The following F13A1 variants were observed in gnomAD, a reference collection of about 807,000 sequenced individuals.
F13A1 encodes the protein FSF, A subunit.
In F13A1, 47 loss-of-function variants were observed where a neutral mutation model predicts 80.1. The observed-to-expected ratio is 0.59, with a 90% CI of 0.46 to 0.75. F13A1 has a LOEUF of 0.75. F13A1 is among the 30% of genes least tolerant of loss of function. The pLI is 0.00. For missense variants in F13A1, 817 were observed against 930.4 expected (o/e 0.88, Z 1.59); for synonymous variants, 349 against 344.9 (o/e 1.01, Z -0.13).
rs1008137500 is a variant in F13A1, at chr6:6,298,428, G to C, written c.319+6923C>G. ...CAGGACTTGCTTTATGAATCTTGGT[G>C]CTCCTGTATTGGGTGCATATAAATT... On this transcript the variant is annotated intron_variant, in intron 3 of 14. Transcript: ENST00000264870. Among the ~76,000 whole-genome samples the C allele has an allele frequency of 3.7e-4, 55 of 150,288 alleles. 1 individual carries two copies. The highest frequency in any genetic ancestry group is 1.3e-3 in the African/African-American group (52 of 39,700).
At position 6,224,843 on chromosome 6, in the gene F13A1, G is replaced by A. The variant is rs764510247; in HGVS notation, c.816C>T (p.Asp272=). 1.2e-5 allele frequency: 19 copies of A among 1,614,008 alleles called. No homozygotes were observed. The highest frequency in any genetic ancestry group is 3.3e-5 in the South Asian group (3 of 91,086). ...CCCAGGATCCAACGAGGACACCTTC[G>A]TCATCTTTGGCATTCACCTAAATGA... is the stretch of plus-strand genomic sequence containing the variant. The part of the protein sequence containing the change: ...VGSAMVNAKD[D]EGVLVGSWDN... Residue 272 remains aspartate (D), a synonymous_variant, in exon 7 of 15, where the codon GAC becomes GAT. Coordinates refer to ENST00000264870, the MANE Select transcript of F13A1 (RefSeq NM_000129.4).
intron 2 of F13A1, among the ~76,000 whole-genome samples, chr6:6,310,108 T>A (rs370769389): frequency 9.9e-5 from 15 of 152,222 alleles, no homozygotes; most frequent in East Asian, 7.7e-4. Flanking sequence ...CTGGTTAGAG[T>A]CAGTCCATCA....
chr6:6,164,258 C>T (rs1760626291), intron 13 of F13A1, among the ~76,000 whole-genome samples: 1 of 152,158 alleles, frequency 6.6e-6, no homozygotes, highest in Non-Finnish European at 1.5e-5. Context: ...ACCGCATGTT[C>T]TCACTTATAG....
chr6:6,188,136 T>A (rs1424631150), intron 10 of F13A1, among the ~76,000 whole-genome samples: 1 of 152,148 alleles, frequency 6.6e-6, no homozygotes, highest in Non-Finnish European at 1.5e-5. Context: ...TGGTCTTGCT[T>A]GCGGTCTATC....
intron 13 of F13A1, among the ~76,000 whole-genome samples, chr6:6,161,725 G>T (rs1352378145): frequency 1.3e-5 from 2 of 152,158 alleles, no homozygotes; most frequent in Non-Finnish European, 2.9e-5. Flanking sequence ...CTGTTTCCAT[G>T]TGAGGATCAC....
At chr6:6,287,576 A>T (rs1363546720) in intron 3 of F13A1, among the ~76,000 whole-genome samples, 1 of 152,114 alleles carries the variant, frequency 6.6e-6, no homozygotes, top group East Asian at 1.9e-4. Flanking sequence ...GGCCCTTCAT[A>T]AGTGCTCTGT....
chr6:6,223,551 G>C (rs1205830035), intron 7 of F13A1, among the ~76,000 whole-genome samples: 2 of 152,028 alleles, frequency 1.3e-5, no homozygotes, highest in African/African-American at 4.8e-5. Flanking sequence ...GCTTCTAGGG[G>C]ACTATACTTT....
chr6:6,171,482 C>T (rs1012465728), intron 12 of F13A1, among the ~76,000 whole-genome samples: 3 of 152,190 alleles, frequency 2.0e-5, no homozygotes, highest in Non-Finnish European at 2.9e-5. Flanking sequence ...GCCAATCAGG[C>T]GGGCTCCACC....
chr6:6,200,335 G>A (rs1761370949), intron 8 of F13A1, among the ~76,000 whole-genome samples: 1 of 152,108 alleles, frequency 6.6e-6, no homozygotes, highest in African/African-American at 2.4e-5. Flanking sequence ...AGGAGGCCGA[G>A]GCAGGAGAAC....
chr6:6,237,182 C>G (rs1182002782), intron 6 of F13A1, among the ~76,000 whole-genome samples: 1 of 152,104 alleles, frequency 6.6e-6, no homozygotes, highest in Non-Finnish European at 1.5e-5. Flanking sequence ...TTTAAAAGGT[C>G]ACAGTTCTGG....
At chr6:6,246,743 G>C (rs2113096448) in intron 6 of F13A1, among the ~76,000 whole-genome samples, 1 of 152,282 alleles carries the variant, frequency 6.6e-6, no homozygotes, top group Admixed American at 6.5e-5. Flanking sequence ...CTTTTGCACT[G>C]GCTTCTGCTA....
chr6:6,185,276 C>G (rs1322920666), intron 10 of F13A1, among the ~76,000 whole-genome samples: 1 of 122,274 alleles, frequency 8.2e-6, no homozygotes, highest in Non-Finnish European at 1.7e-5. Context: ...GCTATCCCTC[C>G]CCCCTCCCCC....
intron 4 of F13A1, among the ~76,000 whole-genome samples, chr6:6,260,654 G>A (rs114234537): frequency 1.3e-3 from 202 of 152,216 alleles, no homozygotes; most frequent in African/African-American, 4.7e-3. Flanking sequence ...GTGCTAGGCC[G>A]GGAAACCACA....
At chr6:6,311,384 TATAAC>T (rs1375793665) in intron 2 of F13A1, among the ~76,000 whole-genome samples, 3 of 152,080 alleles carry the variant, frequency 2.0e-5, no homozygotes, top group African/African-American at 4.8e-5. Flanking sequence ...TGTGGGAATT[TATAAC>T]ATAAGACCTC....
chr6:6,231,531 G>A (rs79798779), intron 6 of F13A1, among the ~76,000 whole-genome samples: 30 of 152,132 alleles, frequency 2.0e-4, no homozygotes, highest in African/African-American at 6.3e-4. Flanking sequence ...ATACTTCCCC[G>A]GCCTTGCTAG....
At chr6:6,167,999 T>A (rs1760708074) in intron 12 of F13A1, among the ~76,000 whole-genome samples, 1 of 152,124 alleles carries the variant, frequency 6.6e-6, no homozygotes, top group Non-Finnish European at 1.5e-5. Flanking sequence ...GGTGCTGAAG[T>A]CCAAGGCCCC....
intron 10 of F13A1, 39 bp from the exon 11 acceptor site, chr6:6,182,180 G>A (rs1417537904): frequency 1.2e-6 from 2 of 1,611,526 alleles, no homozygotes; most frequent in South Asian, 1.1e-5. Flanking sequence ...ATCATCACAT[G>A]TCTGCTGTTG....
At position 6,312,507 on chromosome 6, in the gene F13A1, T is replaced by TAA. The variant is rs533732244; in HGVS notation, c.130+6026_130+6027dup. Among the ~76,000 whole-genome samples, 8 of 43,150 alleles carry TAA rather than the reference T, an allele frequency of 1.9e-4. 3 individuals are homozygous for TAA. The highest frequency in any genetic ancestry group is 2.9e-4 in the African/African-American group (2 of 6,866). The allele number at this position is 43,150 out of a possible 152,430, so 28.3% of individuals were successfully genotyped here. On this transcript the variant is annotated intron_variant, in intron 2 of 14. Transcript: ENST00000264870. The stretch of plus-strand genomic sequence containing the variant: ...CAATATGGTGAAACCCAGTCTCTAC[T>TAA]AAAAAAAAAAAAAAAGAAAAGTTAG...
intron 3 of F13A1, among the ~76,000 whole-genome samples, chr6:6,271,172 C>G (rs751884115): frequency 1.3e-5 from 2 of 152,166 alleles, no homozygotes; most frequent in Non-Finnish European, 2.9e-5. Context: ...GAATGTGGAA[C>G]CTGATGTGCC....
Sources: gnomAD v4.1 joint callset for allele counts (sites outside exome capture counted in the v4.1 genomes callset) on GRCh38, gnomAD v4.1.1 for gene constraint, MANE v1.5 for transcripts, NCBI Gene and HGNC (gene_info 2026-07-23, HGNC 2026-07-21) for gene names.